Variants in NAALADL2 observed in about 807,000 individuals in gnomAD.
The protein encoded by NAALADL2 is N-acetylated alpha-linked acidic dipeptidase like 2.
Under a neutral mutation model 87.2 loss-of-function variants are expected in NAALADL2, and 76 were observed. That is an observed-to-expected ratio of 0.87 (90% CI 0.72 to 1.05). NAALADL2 has a LOEUF of 1.05. Ranked by LOEUF, NAALADL2 falls within the 50% of genes least tolerant of loss-of-function variation. The pLI, the probability that NAALADL2 is intolerant of heterozygous loss-of-function variation, is 0.00. For synonymous variants in NAALADL2, 354 were observed against 331.0 expected (o/e 1.07, Z -0.75); for missense variants, 1,089 against 945.8 (o/e 1.15, Z -1.99).
intron 3 of NAALADL2, among the ~76,000 whole-genome samples, chr3:174,817,463 A>C (rs1426097766): frequency 6.6e-6 from 1 of 152,106 alleles, no homozygotes; most frequent in East Asian, 1.9e-4. Flanking sequence ...TTAGACAGGC[A>C]CGGTGCCACA....
At chr3:175,230,361 T>C (rs1744761163) in intron 2 of NAALADL2, among the ~76,000 whole-genome samples, 1 of 151,830 alleles carries the variant, frequency 6.6e-6, no homozygotes, top group African/African-American at 2.4e-5. Context: ...ACATTGCAAA[T>C]AAAAAGAGAA....
At chr3:174,782,452 G>A (rs1199419655) in intron 3 of NAALADL2, among the ~76,000 whole-genome samples, 1 of 149,140 alleles carries the variant, frequency 6.7e-6, no homozygotes, top group Non-Finnish European at 1.5e-5. Context: ...TAACACAAAT[G>A]ATACAACAAG....
chr3:175,525,680 C>G (rs536552825), intron 9 of NAALADL2, among the ~76,000 whole-genome samples: 178 of 152,020 alleles, frequency 1.2e-3, no homozygotes, highest in Non-Finnish European at 1.9e-3. Flanking sequence ...TTCATTTGTG[C>G]TAATGAGCAA....
At chr3:175,013,303 T>TA (rs1560476455) in intron 1 of NAALADL2, among the ~76,000 whole-genome samples, 1,067 of 100,746 alleles carry the variant, frequency 0.011, 16 homozygotes, top group Non-Finnish European at 0.017. Flanking sequence ...ATATATATAT[T>TA]TTTTTTTTTT....
rs139229550 is a variant in NAALADL2, at chr3:175,011,280, CAGAGAGAGAGAGAG to C, written c.44-85482_44-85469del. Among the ~76,000 whole-genome samples, 114 of 113,562 alleles carry C rather than the reference CAGAGAGAGAGAGAG, an allele frequency of 1.0e-3. 1 individual carries two copies. The highest frequency in any genetic ancestry group is 4.6e-3 in the Admixed American group (55 of 11,846). The allele number at this position is 113,562 out of a possible 152,430, so 74.5% of individuals were successfully genotyped here. A position where few individuals can be genotyped will look rare whatever the true frequency, so the allele number is the denominator to read the frequency against. On this transcript the variant is annotated intron_variant, in intron 1 of 13. Coordinates refer to ENST00000454872, the MANE Select transcript of NAALADL2 (RefSeq NM_207015.3). ...AGAGAGAGGGAGAGAGACAGAGAGA[CAGAGAGAGAGAGAG>C]AGAGAGAGAGAGAGAGAGAGAGAGA...
intron 1 of NAALADL2, among the ~76,000 whole-genome samples, chr3:174,456,646 G>T (rs904997097): frequency 1.8e-4 from 27 of 152,064 alleles, no homozygotes; most frequent in Non-Finnish European, 1.5e-4. Flanking sequence ...GAAAGGTGCT[G>T]GGATAACTGG....
intron 4 of NAALADL2, among the ~76,000 whole-genome samples, chr3:175,302,259 A>T (rs1384297525): frequency 1.3e-5 from 2 of 152,190 alleles, no homozygotes; most frequent in Non-Finnish European, 1.5e-5. Flanking sequence ...CAATTAATGA[A>T]TTTTTAGGGT....
At chr3:175,798,080 G>C (rs764178881) in intron 13 of NAALADL2, among the ~76,000 whole-genome samples, 1 of 151,974 alleles carries the variant, frequency 6.6e-6, no homozygotes. Context: ...AGGAAGCTAA[G>C]TGGTTTTCAG....
At chr3:174,559,646 A>G (rs1695069212) in intron 2 of NAALADL2, among the ~76,000 whole-genome samples, 1 of 152,214 alleles carries the variant, frequency 6.6e-6, no homozygotes, top group Admixed American at 6.5e-5. Context: ...GGTTGCCAGC[A>G]TAATTAGCTT....
intron 11 of NAALADL2, among the ~76,000 whole-genome samples, chr3:175,697,772 TA>T (rs1013015274): frequency 8.2e-5 from 12 of 146,598 alleles, no homozygotes; most frequent in Admixed American, 7.7e-4. Flanking sequence ...TGTATACATA[TA>T]TACATATATA....
chr3:174,588,797 G>A (rs1717023802), intron 2 of NAALADL2, among the ~76,000 whole-genome samples: 1 of 152,174 alleles, frequency 6.6e-6, no homozygotes, highest in African/African-American at 2.4e-5. Context: ...ACTGGGGGGT[G>A]CCTCCCAGTT....
At chr3:175,022,901 A>G (rs970778250) in intron 1 of NAALADL2, among the ~76,000 whole-genome samples, 1 of 152,118 alleles carries the variant, frequency 6.6e-6, no homozygotes, top group Non-Finnish European at 1.5e-5. Flanking sequence ...GACCCTGGGG[A>G]TACAAAGATG....
chr3:174,477,823 T>G (rs940592126), intron 1 of NAALADL2, among the ~76,000 whole-genome samples: 1 of 152,172 alleles, frequency 6.6e-6, no homozygotes, highest in Admixed American at 6.6e-5. Flanking sequence ...CATACATAGG[T>G]GAATAATTGT....
chr3:175,362,585 A>G (rs539945501), intron 5 of NAALADL2, among the ~76,000 whole-genome samples: 3 of 148,020 alleles, frequency 2.0e-5, no homozygotes, highest in Admixed American at 6.9e-5. Context: ...TCATTGATTT[A>G]TGGGCATTTG....
chr3:175,508,287 CATTCCA>C (rs932274020), intron 9 of NAALADL2, among the ~76,000 whole-genome samples: 1 of 152,184 alleles, frequency 6.6e-6, no homozygotes, highest in African/African-American at 2.4e-5. Context: ...TGGGGACACA[CATTCCA>C]ACTATATCAC....
chr3:175,204,928 A>G (rs1740597577), intron 2 of NAALADL2, among the ~76,000 whole-genome samples: 1 of 152,148 alleles, frequency 6.6e-6, no homozygotes, highest in African/African-American at 2.4e-5. Context: ...AAGGAAAACT[A>G]CAAAACACTG....
chr3:175,582,802 T>C (rs763295714), intron 10 of NAALADL2, among the ~76,000 whole-genome samples: 33 of 152,212 alleles, frequency 2.2e-4, no homozygotes, highest in Non-Finnish European at 4.4e-4. Context: ...GTTCTCATCA[T>C]TGACTTCCAT....
chr3:175,491,950 T>C (rs1425254058), intron 9 of NAALADL2, among the ~76,000 whole-genome samples: 3 of 152,204 alleles, frequency 2.0e-5, no homozygotes, highest in Non-Finnish European at 4.4e-5. Context: ...AAAAATACTT[T>C]TGATATTTTC....
Position 175,803,072 on chromosome 3 carries a change from T to C in NAALADL2, c.2257T>C (p.Cys753Arg). ...AATACTTATAGAGGCTTGGGAACACTGCAAACCCCTTGCATCAAATGAGAC... is the reference window on the plus strand; with the variant it reads ...AATACTTATAGAGGCTTGGGAACACCGCAAACCCCTTGCATCAAATGAGAC... Reference protein sequence around the residue: ...FSILIEAWEHCKPLASNETLQ... With the variant: ...FSILIEAWEHRKPLASNETLQ... The change falls in exon 14 of 14, where the codon TGC becomes CGC. Residue 753 changes from cysteine (C) to arginine (R), a missense_variant. Transcript: ENST00000454872. 6.2e-7 allele frequency: 1 copy of C among 1,612,404 alleles called. No individual in the cohort carries two copies. The highest frequency in any genetic ancestry group is 8.5e-7 in the Non-Finnish European group (1 of 1,178,976).
Sources: gnomAD v4.1 joint callset for allele counts (sites outside exome capture counted in the v4.1 genomes callset) on GRCh38, gnomAD v4.1.1 for gene constraint, MANE v1.5 for transcripts, NCBI Gene and HGNC (gene_info 2026-07-23, HGNC 2026-07-21) for gene names.